The following FAM222B variants were observed in gnomAD, a reference collection of about 807,000 sequenced individuals.
The protein encoded by FAM222B is family with sequence similarity 222 member B, also known as protein FAM222B.
Under a neutral mutation model 38.0 loss-of-function variants are expected in FAM222B, and 12 were observed. The observed-to-expected ratio is 0.32, with a 90% CI of 0.20 to 0.51. FAM222B has a LOEUF of 0.51. FAM222B is among the 20% of genes least tolerant of loss of function. The pLI, the probability that FAM222B is intolerant of heterozygous loss-of-function variation, is 0.97. For missense variants in FAM222B, 716 were observed against 754.2 expected, an observed-to-expected ratio of 0.95 and a Z score of 0.59; for synonymous variants, 329 against 317.2, an observed-to-expected ratio of 1.04 and a Z score of -0.40.
intron 1 of FAM222B, among the ~76,000 whole-genome samples, chr17:28,836,355 C>T (rs546709052): frequency 6.6e-6 from 1 of 151,872 alleles, no homozygotes; most frequent in Non-Finnish European, 1.5e-5. Context: ...TACCAAACCA[C>T]CATTTAATAA....
chr17:28,759,250 C>A lies in FAM222B; in HGVS notation c.709G>T (p.Asp237Tyr). The A allele has an allele frequency of 1.9e-6, 3 of 1,613,630 alleles. No homozygotes were observed. Among genetic ancestry groups the A allele is most frequent in the Non-Finnish European group, 2.5e-6 (3 of 1,179,780 alleles). Residue 237 changes from aspartate (D) to tyrosine (Y), a missense_variant, in exon 3 of 3, where the codon GAT becomes TAT. By Grantham distance (160) the Asp-to-Tyr change is radical. Transcript: ENST00000581407. This position sits in a 1 kb window ranked among gnomAD's most constrained non-coding sequence, Gnocchi z 4.8. ...LHGGRKMPDS[D>Y]APPNVTVSTS... Reference sequence around the variant, plus strand: ...GACACGGTCACATTCGGGGGGGCATCTGAGTCTGGCATCTTCCGGCCTCCA... The same window carrying A: ...GACACGGTCACATTCGGGGGGGCATATGAGTCTGGCATCTTCCGGCCTCCA...
intron 1 of FAM222B, among the ~76,000 whole-genome samples, chr17:28,776,375 CAAA>C (rs35900323): frequency 1.3e-4 from 8 of 62,448 alleles, no homozygotes; most frequent in Non-Finnish European, 2.1e-4. Flanking sequence ...GACTCCGTCT[CAAA>C]AAAAAAAAAA....
At chr17:28,785,999 A>G (rs974943944) in intron 1 of FAM222B, among the ~76,000 whole-genome samples, 21 of 150,576 alleles carry the variant, frequency 1.4e-4, no homozygotes, top group African/African-American at 5.1e-4. Flanking sequence ...ACACCCAGCT[A>G]ATTTTTGTAT....
At chr17:28,776,144 G>T (rs1453740313) in intron 1 of FAM222B, among the ~76,000 whole-genome samples, 1 of 149,996 alleles carries the variant, frequency 6.7e-6, no homozygotes, top group Non-Finnish European at 1.5e-5. Context: ...AGGCTGAGGC[G>T]GGCGTATCAT....
At chr17:28,805,445 G>A (rs2037442445) in intron 1 of FAM222B, among the ~76,000 whole-genome samples, 1 of 152,128 alleles carries the variant, frequency 6.6e-6, no homozygotes, top group Non-Finnish European at 1.5e-5. Context: ...TGAGGCACAA[G>A]AATCACTTGA....
intron 1 of FAM222B, among the ~76,000 whole-genome samples, chr17:28,794,965 C>T (rs778959304): frequency 7.3e-5 from 11 of 151,700 alleles, no homozygotes; most frequent in East Asian, 2.0e-4. Flanking sequence ...TGGTGGCACG[C>T]GCCTGTAATC....
At chr17:28,809,251 T>C (rs2037629569) in intron 1 of FAM222B, among the ~76,000 whole-genome samples, 1 of 151,064 alleles carries the variant, frequency 6.6e-6, no homozygotes, top group Non-Finnish European at 1.5e-5. Context: ...CTCAGGAGGC[T>C]GAGGCAGGAG....
At chr17:28,767,995 A>G (rs1244248842) in intron 1 of FAM222B, among the ~76,000 whole-genome samples, 1 of 152,204 alleles carries the variant, frequency 6.6e-6, no homozygotes, top group African/African-American at 2.4e-5. Flanking sequence ...CAATCCTGAC[A>G]TGTCAAGACC....
rs75404275 is a variant in FAM222B at position 28,816,559 on chromosome 17, A to T, written c.-41+26123T>A. 3.8e-3 allele frequency among the ~76,000 whole-genome samples: 582 copies of T among 152,286 alleles called. 3 individuals are homozygous for T. The highest frequency in any genetic ancestry group is 9.5e-3 in the African/African-American group (395 of 41,556). ...AATGGCATTTATAACAACCAAAAAA[A>T]AAATAAATAAAATGTAACTCTGACA... On this transcript the variant is annotated intron_variant, in intron 1 of 2. Transcript: ENST00000581407.
chr17:28,762,059 G>C lies in FAM222B; in HGVS notation c.83-2183C>G, dbSNP rs550148493. 6.6e-5 allele frequency: 10 copies of C among 152,200 alleles called. No homozygotes were observed. The Middle Eastern group carries it at 0.01, about 155-fold the overall frequency. The allele number at this position is 152,200 out of a possible 1,614,324, so 9.4% of individuals were successfully genotyped here. ...GGTTTTTTTTAGCAGAGGCAAGGGG[G>C]AAGCTTGACCTCATTCAGGAGTATG... On this transcript the variant is annotated intron_variant, in intron 2 of 2. Coordinates refer to ENST00000581407, the MANE Select transcript of FAM222B (RefSeq NM_001077498.3).
chr17:28,853,118 G>A (rs779169579), intron 1 of FAM222B, among the ~76,000 whole-genome samples: 7 of 151,774 alleles, frequency 4.6e-5, no homozygotes, highest in East Asian at 1.9e-4. Flanking sequence ...ACTTCAACCC[G>A]GGAAGTAGAG....
intron 1 of FAM222B, among the ~76,000 whole-genome samples, chr17:28,818,547 GAATA>G (rs1252131483): frequency 6.7e-6 from 1 of 149,072 alleles, no homozygotes; most frequent in Non-Finnish European, 1.5e-5. Flanking sequence ...AAAAAAAAAA[GAATA>G]AAAATAAAAA....
chr17:28,822,518 T>C (rs2038262330), intron 1 of FAM222B, among the ~76,000 whole-genome samples: 1 of 150,848 alleles, frequency 6.6e-6, no homozygotes, highest in African/African-American at 2.4e-5. Flanking sequence ...CCAGCACTTT[T>C]GGGAGACTGA....
At chr17:28,839,019 A>G (rs2038945962) in intron 1 of FAM222B, among the ~76,000 whole-genome samples, 1 of 152,048 alleles carries the variant, frequency 6.6e-6, no homozygotes, top group Admixed American at 6.6e-5. Context: ...CCTGGCTAAC[A>G]CGGTGAAACC....
intron 1 of FAM222B, among the ~76,000 whole-genome samples, chr17:28,826,880 C>T (rs1429895914): frequency 6.6e-6 from 1 of 152,004 alleles, no homozygotes; most frequent in East Asian, 1.9e-4. Flanking sequence ...GCACTCACCA[C>T]CTGTAATCCC....
At chr17:28,774,733 G>C (rs2151815998) in intron 1 of FAM222B, among the ~76,000 whole-genome samples, 1 of 152,020 alleles carries the variant, frequency 6.6e-6, no homozygotes, top group African/African-American at 2.4e-5. Context: ...TCAGCTTCAG[G>C]AATTCATGAC....
rs2038519845 is a variant in FAM222B, at chr17:28,828,370, C to T, written c.-41+14312G>A. On this transcript the variant is annotated intron_variant, in intron 1 of 2. Coordinates refer to ENST00000581407, the MANE Select transcript of FAM222B (RefSeq NM_001077498.3). ...TTGATCCCAGGAGTTCACGACCACC[C>T]TGGGCAACATGGCAAAACCCCATCT... 3.3e-5 allele frequency among the ~76,000 whole-genome samples: 5 copies of T among 151,748 alleles called. No homozygotes were observed. In the South Asian group the frequency reaches 1.0e-3, roughly 32 times the overall value.
In FAM222B at chr17:28,756,687, G is replaced by A. The variant is rs939224924; in HGVS notation, c.*1583C>T. The A allele has an allele frequency of 6.6e-6, 1 of 152,378 alleles. No homozygotes were observed. Among genetic ancestry groups the A allele is most frequent in the African/African-American group, 2.4e-5 (1 of 41,370 alleles). The allele number at this position is 152,378 out of a possible 1,614,324, so 9.4% of individuals were successfully genotyped here. ...GAAAACAATTGGGAACAATAAATTA[G>A]GACTTCATGTTGCTATCATTTGGCA... On this transcript the variant is annotated 3_prime_UTR_variant, in exon 3 of 3. Transcript: ENST00000581407.
chr17:28,762,393 C>G (rs1182370107), intron 2 of FAM222B, among the ~76,000 whole-genome samples: 1 of 151,886 alleles, frequency 6.6e-6, no homozygotes, highest in Non-Finnish European at 1.5e-5. Flanking sequence ...TTTGGGAGGC[C>G]GAGGCGGGTG....
Sources: gnomAD v4.1 joint callset for allele counts (sites outside exome capture counted in the v4.1 genomes callset) on GRCh38, gnomAD v4.1.1 for gene constraint, Gnocchi (gnomAD v3.1) non-coding constraint, MANE v1.5 for transcripts, NCBI Gene and HGNC (gene_info 2026-07-23, HGNC 2026-07-21) for gene names.